The following DLG2 variants were observed in gnomAD, a reference collection of about 807,000 sequenced individuals.
DLG2 encodes disks large homolog 2.
A neutral mutation model predicts 132.5 loss-of-function variants in DLG2; 45 were observed. The observed-to-expected ratio is 0.34, with a 90% confidence interval of 0.27 to 0.44. The LOEUF (loss-of-function observed/expected upper bound fraction) is 0.44. Ranked by LOEUF, DLG2 falls within the 20% of genes least tolerant of loss-of-function variation. The pLI, the probability that DLG2 is intolerant of heterozygous loss-of-function variation, is 1.00. For synonymous variants in DLG2, 424 were observed against 419.6 expected (o/e 1.01, Z -0.13); for missense variants, 1,045 against 1,196.9 (o/e 0.87, Z 1.87).
rs574542189 is a variant in DLG2 at position 84,343,356 on chromosome 11, C to A, written c.520-92065G>T. Among the ~76,000 whole-genome samples the A allele has an allele frequency of 2.6e-5, 4 of 152,234 alleles. No homozygotes were observed. In the East Asian group the frequency reaches 7.7e-4, roughly 29 times the overall value. On this transcript the variant is annotated intron_variant, in intron 7 of 27. Coordinates refer to ENST00000376104, the MANE Select transcript of DLG2 (RefSeq NM_001142699.3). ...ATTTATTACAAAGTTTATAATATAT[C>A]CCCCCAACCTAAGGGAAAAGCCCTG...
intron 6 of DLG2, among the ~76,000 whole-genome samples, chr11:84,990,845 T>C (rs894224453): frequency 6.6e-6 from 1 of 151,980 alleles, no homozygotes; most frequent in Admixed American, 6.6e-5. Flanking sequence ...GCAATGACCA[T>C]ACAACCCAGA....
At chr11:85,621,926 ACAG>A (rs2081733634) in intron 2 of DLG2, among the ~76,000 whole-genome samples, 1 of 152,238 alleles carries the variant, frequency 6.6e-6, no homozygotes, top group African/African-American at 2.4e-5. Context: ...ATGCTGTCAA[ACAG>A]CATCTCATGC....
At chr11:83,817,567 C>G (rs2049380524) in intron 17 of DLG2, among the ~76,000 whole-genome samples, 1 of 152,068 alleles carries the variant, frequency 6.6e-6, no homozygotes, top group South Asian at 2.1e-4. Flanking sequence ...GATTTTAAAA[C>G]TTTTATTATT....
intron 9 of DLG2, among the ~76,000 whole-genome samples, chr11:84,136,923 A>G (rs1440283666): frequency 6.6e-6 from 1 of 152,116 alleles, no homozygotes; most frequent in African/African-American, 2.4e-5. Context: ...AATTTCTACC[A>G]GGGATTCTGG....
chr11:84,538,935 C>T (rs772224787), intron 6 of DLG2, among the ~76,000 whole-genome samples: 12 of 152,148 alleles, frequency 7.9e-5, no homozygotes, highest in Non-Finnish European at 1.5e-4. Context: ...AGGAATCACC[C>T]TGATATGATA....
intron 6 of DLG2, among the ~76,000 whole-genome samples, chr11:84,730,908 A>G (rs2063076947): frequency 6.6e-6 from 1 of 152,052 alleles, no homozygotes; most frequent in African/African-American, 2.4e-5. Flanking sequence ...CCAGCTATGT[A>G]TCACAGATTT....
chr11:83,568,469 C>T (rs2096745174), intron 19 of DLG2, among the ~76,000 whole-genome samples: 1 of 152,052 alleles, frequency 6.6e-6, no homozygotes, highest in African/African-American at 2.4e-5. Context: ...TGGGCTGCAA[C>T]TACCAAATTA....
At chr11:85,366,141 G>T (rs2084535912) in intron 3 of DLG2, among the ~76,000 whole-genome samples, 2 of 152,162 alleles carry the variant, frequency 1.3e-5, no homozygotes, top group Admixed American at 6.6e-5. Context: ...AAATGTAATT[G>T]CTAGCTCTGG....
At chr11:85,173,691 G>C (rs1434715450) in intron 4 of DLG2, among the ~76,000 whole-genome samples, 6 of 152,078 alleles carry the variant, frequency 3.9e-5, no homozygotes, top group South Asian at 2.1e-4. Context: ...AAGCTGGATA[G>C]AGTCAAGACC....
chr11:84,912,002 A>G (rs1591148115), intron 6 of DLG2, among the ~76,000 whole-genome samples: 1 of 152,300 alleles, frequency 6.6e-6, no homozygotes, highest in East Asian at 1.9e-4. Context: ...AAATTTTACA[A>G]AGGAGTTAGG....
Position 83,706,313 on chromosome 11 carries a change from C to T in DLG2, c.1826-72988G>A, listed in dbSNP as rs76285341. ...CTCCTATTCTATATCAGGTGTTGTG[C>T]TAGGTGCCGGGGACATGTGTCTAGT... On this transcript the variant is annotated intron_variant, in intron 18 of 27. Coordinates refer to ENST00000376104, the MANE Select transcript of DLG2 (RefSeq NM_001142699.3). Among the ~76,000 whole-genome samples, 289 of 151,888 alleles carry T rather than the reference C, an allele frequency of 1.9e-3. 2 individuals are homozygous for T. Among genetic ancestry groups the T allele is most frequent in the African/African-American group, 6.9e-3 (286 of 41,422 alleles).
At chr11:85,199,830 G>A (rs1392803852) in intron 4 of DLG2, among the ~76,000 whole-genome samples, 1 of 152,014 alleles carries the variant, frequency 6.6e-6, no homozygotes, top group Non-Finnish European at 1.5e-5. Flanking sequence ...CTAGACTCTA[G>A]ATCCCAAACC....
chr11:85,150,598 G>A (rs188532711), intron 5 of DLG2, among the ~76,000 whole-genome samples: 1 of 152,122 alleles, frequency 6.6e-6, no homozygotes, highest in East Asian at 1.9e-4. Flanking sequence ...ATCATACAGT[G>A]TTTGTCCTTT....
chr11:85,340,758 T>C (rs1017681834), intron 3 of DLG2, among the ~76,000 whole-genome samples: 3 of 152,240 alleles, frequency 2.0e-5, no homozygotes, highest in East Asian at 1.9e-4. Context: ...TTAGTTGTCA[T>C]GCAATTGGTA....
chr11:84,098,835 T>A, intron 10 of DLG2, 88 bp downstream of exon 10: 1 of 1,440,748 alleles, frequency 6.9e-7, no homozygotes, highest in Non-Finnish European at 9.4e-7. Flanking sequence ...AGAACTTTTG[T>A]AGAATTATTA....
At chr11:84,907,375 A>G (rs973638498) in intron 6 of DLG2, among the ~76,000 whole-genome samples, 4 of 152,212 alleles carry the variant, frequency 2.6e-5, no homozygotes, top group African/African-American at 9.6e-5. Context: ...ATGAAATTGA[A>G]TAACAAGAAT....
intron 8 of DLG2, among the ~76,000 whole-genome samples, chr11:84,210,346 T>C (rs1597477328): frequency 7.6e-6 from 1 of 130,996 alleles, no homozygotes; most frequent in African/African-American, 2.9e-5. Context: ...AAAGATCACA[T>C]GGACACAGGA....
chr11:85,168,797 A>C (rs1459601145), intron 4 of DLG2, among the ~76,000 whole-genome samples: 2 of 152,168 alleles, frequency 1.3e-5, no homozygotes, highest in South Asian at 4.1e-4. Context: ...AGCTGGTCTT[A>C]TCTAGTACCA....
chr11:84,695,049 AG>A lies in DLG2; in HGVS notation c.358-160319del, dbSNP rs1340675560. Among the ~76,000 whole-genome samples, 3 of 151,600 alleles carry A rather than the reference AG, an allele frequency of 2.0e-5. No homozygotes were observed. In the East Asian group the frequency reaches 5.8e-4, roughly 30 times the overall value. ...GAATGAATTTCCTTTTAATGGTCAA[AG>A]CTTCTATAAGATTAAAAAAATATGC... On this transcript the variant is annotated intron_variant, in intron 6 of 27. Transcript: ENST00000376104.
Sources: allele counts gnomAD v4.1 joint callset (sites outside exome capture counted in the v4.1 genomes callset), GRCh38; gene constraint gnomAD v4.1.1; transcripts MANE v1.5; gene names NCBI Gene and HGNC (gene_info 2026-07-23, HGNC 2026-07-21).